IL12RB1: variants seen among roughly 807,000 people sequenced by gnomAD.
The protein encoded by IL12RB1 is interleukin 12 receptor subunit beta 1.
Under a neutral mutation model 94.4 loss-of-function variants are expected in IL12RB1, and 64 were observed. The ratio of observed to expected loss-of-function variants is 0.68; its 90% confidence interval spans 0.55 to 0.83. IL12RB1 has a LOEUF of 0.83. Among genes scored for constraint, IL12RB1 ranks in the 40% least tolerant of loss-of-function variants. The pLI is 0.00. For synonymous variants in IL12RB1, 362 were observed against 355.5 expected (o/e 1.02, Z -0.21); for missense variants, 814 against 855.6 (o/e 0.95, Z 0.61).
chr19:18,092,347 G>A (rs999672412), intron 1 of IL12RB1, among the ~76,000 whole-genome samples: 9 of 151,470 alleles, frequency 5.9e-5, no homozygotes, highest in South Asian at 4.2e-4. Flanking sequence ...AAAATTAGCC[G>A]GGCATGGTGG....
At chr19:18,075,080 C>CAAACAAACAAAAA (rs2035361251) in intron 7 of IL12RB1, among the ~76,000 whole-genome samples, 1 of 150,998 alleles carries the variant, frequency 6.6e-6, no homozygotes, top group South Asian at 2.1e-4. Context: ...AAACAACAAA[C>CAAACAAACAAAAA]AAACAAACAA....
At chr19:18,091,325 A>C (rs1229086811), upstream of IL12RB1, 4 of 152,238 alleles carry the variant, frequency 2.6e-5, no homozygotes, top group Admixed American at 2.6e-4. Context: ...GTCTGAGATA[A>C]GTTCCCAGGG....
rs115569376 is a variant in IL12RB1 at position 18,060,765 on chromosome 19, A to T, written c.1791+357T>A. Among the ~76,000 whole-genome samples the T allele has an allele frequency of 2.5e-3, 383 of 152,166 alleles. 4 individuals carry two copies. The highest frequency in any genetic ancestry group is 8.8e-3 in the African/African-American group (367 of 41,536). ...GGCCCTGAGACTTTTGCCCCAGTTAATGGGGAAAATGGACACCCTGCTTCC... is the reference window on the plus strand; with the variant it reads ...GGCCCTGAGACTTTTGCCCCAGTTATTGGGGAAAATGGACACCCTGCTTCC... On this transcript the variant is annotated intron_variant, in intron 15 of 16. Coordinates refer to ENST00000593993, the MANE Select transcript of IL12RB1 (RefSeq NM_005535.3).
chr19:18,069,812 A>T, intron 9 of IL12RB1, 99 bp from the exon 10 acceptor site: 1 of 886,334 alleles, frequency 1.1e-6, no homozygotes, highest in Non-Finnish European at 1.9e-6. Flanking sequence ...TCTCGTCTAT[A>T]CCCCTGACCC....
intron 9 of IL12RB1, chr19:18,071,364 TAAATA>T (rs961183460): frequency 9.9e-7 from 1 of 1,014,220 alleles, no homozygotes; most frequent in Admixed American, 2.4e-5. Flanking sequence ...AATTAGATCT[TAAATA>T]AACACAGGGT....
chr19:18,071,596 G>A (rs2035047449), intron 9 of IL12RB1, among the ~76,000 whole-genome samples: 1 of 151,632 alleles, frequency 6.6e-6, no homozygotes, highest in Non-Finnish European at 1.5e-5. Context: ...AGTCCAGCCT[G>A]GGCAACATAG....
At chr19:18,094,920 C>T (rs1417204768) in intron 1 of IL12RB1, among the ~76,000 whole-genome samples, 7 of 152,152 alleles carry the variant, frequency 4.6e-5, no homozygotes, top group African/African-American at 1.7e-4. Context: ...CTCACACCTG[C>T]AATCCCAGCC....
chr19:18,088,511 T>C (rs1175728402), upstream of IL12RB1, among the ~76,000 whole-genome samples: 1 of 147,638 alleles, frequency 6.8e-6, no homozygotes, highest in Non-Finnish European at 1.5e-5. Flanking sequence ...CTGCAGTGAA[T>C]CGTGATTGTG....
intron 5 of IL12RB1, among the ~76,000 whole-genome samples, chr19:18,076,703 G>A (rs923911524): frequency 8.5e-5 from 13 of 152,096 alleles, no homozygotes; most frequent in African/African-American, 2.9e-4. Flanking sequence ...ACCGCACCTC[G>A]CTAAATTTTT....
intron 10 of IL12RB1, 35 bp downstream of exon 10, chr19:18,069,511 A>T (rs1255408022): frequency 1.3e-5 from 20 of 1,567,542 alleles, no homozygotes; most frequent in Non-Finnish European, 1.6e-5. Flanking sequence ...GAGGGCACAG[A>T]GGAGGGGTAG....
At chr19:18,062,818 G>A (rs570254836) in intron 13 of IL12RB1, among the ~76,000 whole-genome samples, 1 of 152,014 alleles carries the variant, frequency 6.6e-6, no homozygotes, top group South Asian at 2.1e-4. Flanking sequence ...CTGCACATAG[G>A]GCACATGTGG....
At chr19:18,067,326 G>GAAAAAA in intron 11 of IL12RB1, among the ~76,000 whole-genome samples, 1 of 82,600 alleles carries the variant, frequency 1.2e-5, no homozygotes, top group Non-Finnish European at 2.4e-5. Context: ...TCTGTCTCAA[G>GAAAAAA]AAAAAAAAAA....
intron 15 of IL12RB1, 51 bp from the exon 16 acceptor site, chr19:18,060,136 C>A: frequency 2.0e-6 from 2 of 1,012,900 alleles, no homozygotes; most frequent in Admixed American, 1.9e-5. Flanking sequence ...TACTTCCCAT[C>A]CACAGCAGGA....
upstream of IL12RB1, among the ~76,000 whole-genome samples, chr19:18,088,597 A>T (rs933542575): frequency 6.6e-5 from 10 of 150,826 alleles, no homozygotes; most frequent in African/African-American, 2.2e-4. Context: ...TAAGAGATGC[A>T]ACTTAGTCTT....
At chr19:18,088,493 G>T (rs1378308173), upstream of IL12RB1, among the ~76,000 whole-genome samples, 2 of 151,162 alleles carry the variant, frequency 1.3e-5, no homozygotes, top group Non-Finnish European at 2.9e-5. Context: ...GAACCCAGGA[G>T]GTTGAGGCTG....
intron 1 of IL12RB1, chr19:18,097,723 C>T (rs2037079509): frequency 9.3e-7 from 1 of 1,076,906 alleles, no homozygotes; most frequent in African/African-American, 1.7e-5. Flanking sequence ...TGGCCAATGG[C>T]ACCTGGCGGC....
chr19:18,077,057 T>A (rs933183238), intron 5 of IL12RB1, among the ~76,000 whole-genome samples: 3 of 152,056 alleles, frequency 2.0e-5, no homozygotes, highest in East Asian at 1.9e-4. Context: ...AAAGAAAAAA[T>A]TTATTTTAAA....
At position 18,059,923 on chromosome 19, in the gene IL12RB1, A is replaced by G; in HGVS notation, c.1954T>C (p.Leu652=). Reference sequence around the variant, plus strand: ...GCCTTGCACCTGTCTCCATCCTCCAAGGACAACTCTGTATCCAGGGCCAGC... The same window carrying G: ...GCCTTGCACCTGTCTCCATCCTCCAGGGACAACTCTGTATCCAGGGCCAGC... ...PELALDTELS[L]EDGDRCKAKM is the part of the protein sequence containing the mutation. The change falls in exon 16 of 17, where the codon TTG becomes CTG. Residue 652 remains leucine, a synonymous_variant. Coordinates refer to ENST00000593993, the MANE Select transcript of IL12RB1 (RefSeq NM_005535.3). The G allele has an allele frequency of 6.3e-7, 1 of 1,590,334 alleles. No individual in the cohort carries two copies. The highest frequency in any genetic ancestry group is 8.6e-7 in the Non-Finnish European group (1 of 1,168,164).
At chr19:18,077,467 G>T (rs760174031) in intron 5 of IL12RB1, 49 bp downstream of exon 5, 8 of 1,460,104 alleles carry the variant, frequency 5.5e-6, no homozygotes, top group Non-Finnish European at 7.6e-6. Flanking sequence ...GGGGGTGAAG[G>T]TGCCCTGGAG....
Sources: allele counts gnomAD v4.1 joint callset (sites outside exome capture counted in the v4.1 genomes callset), GRCh38; gene constraint gnomAD v4.1.1; transcripts MANE v1.5; gene names NCBI Gene and HGNC (gene_info 2026-07-23, HGNC 2026-07-21).